SOX6: variants seen among roughly 807,000 people sequenced by gnomAD.
SOX6 encodes transcription factor SOX-6.
SOX6 carries 11 observed loss-of-function variants against 97.8 expected under a neutral mutation model. That is an observed-to-expected ratio of 0.11 (90% CI 0.07 to 0.19). The LOEUF is 0.19. SOX6 is among the 10% of genes least tolerant of loss of function. SOX6 has a pLI of 1.00. For synonymous variants in SOX6, 360 were observed against 371.4 expected (o/e 0.97, Z 0.35); for missense variants, 810 against 1,039.5 (o/e 0.78, Z 3.04).
At chr11:16,166,500 C>T (rs1850891485) in intron 6 of SOX6, among the ~76,000 whole-genome samples, 2 of 152,214 alleles carry the variant, frequency 1.3e-5, no homozygotes, top group South Asian at 2.1e-4. Flanking sequence ...TCAACAACAT[C>T]TCCCATGTGC....
chr11:16,227,394 T>C (rs1185168113), intron 4 of SOX6, among the ~76,000 whole-genome samples: 2 of 152,164 alleles, frequency 1.3e-5, no homozygotes, highest in Non-Finnish European at 2.9e-5. Context: ...CTTTAATTCA[T>C]TGATTCATTC....
intron 4 of SOX6, among the ~76,000 whole-genome samples, chr11:16,509,212 A>G (rs975681723): frequency 3.3e-5 from 5 of 151,806 alleles, no homozygotes; most frequent in Non-Finnish European, 5.9e-5. Context: ...TACCATATAT[A>G]TTCAATTAAA....
In SOX6 at chr11:16,613,864, T is replaced by C. The variant is rs969805811; in HGVS notation, n.430-1604A>G. Among the ~76,000 whole-genome samples, 1 of 152,042 alleles carries C rather than the reference T, an allele frequency of 6.6e-6. No homozygotes were observed. Among genetic ancestry groups the C allele is most frequent in the Non-Finnish European group, 1.5e-5 (1 of 68,008 alleles). On this transcript the variant is annotated intron_variant and non_coding_transcript_variant, in intron 3 of 5. Transcript: ENST00000524520. The surrounding 1 kb of genome is among the most constrained non-coding windows in gnomAD (Gnocchi z 4.6). ...GGGAAGACTGCGCCCAGCTAGGGGC[T>C]GTAGAGACGAACCCAGCTGACACTG... is the stretch of plus-strand genomic sequence containing the variant.
chr11:16,005,279 C>G (rs796172333), intron 13 of SOX6, among the ~76,000 whole-genome samples: 1 of 151,852 alleles, frequency 6.6e-6, no homozygotes, highest in Non-Finnish European at 1.5e-5. Flanking sequence ...AGGTTCTCTA[C>G]GATATAGACG....
chr11:16,489,077 T>A (rs894679326), intron 4 of SOX6, among the ~76,000 whole-genome samples: 1 of 152,148 alleles, frequency 6.6e-6, no homozygotes, highest in African/African-American at 2.4e-5. Context: ...AAAGACTATG[T>A]TCTTAGGAAA....
chr11:16,213,966 CAA>C (rs1355436194), intron 4 of SOX6, among the ~76,000 whole-genome samples: 4 of 152,060 alleles, frequency 2.6e-5, no homozygotes, highest in Non-Finnish European at 5.9e-5. Flanking sequence ...TAGAACTCCC[CAA>C]AAGACTTAGC....
intron 4 of SOX6, among the ~76,000 whole-genome samples, chr11:16,596,582 G>A (rs1032731273): frequency 1.3e-5 from 2 of 152,170 alleles, no homozygotes; most frequent in African/African-American, 4.8e-5. Context: ...CCTACTAGAA[G>A]CTTTCCCTGA....
At chr11:16,466,313 GTGACACA>G (rs1860031191) in intron 1 of SOX6, among the ~76,000 whole-genome samples, 1 of 152,140 alleles carries the variant, frequency 6.6e-6, no homozygotes, top group South Asian at 2.1e-4. Context: ...TATGCTGAGA[GTGACACA>G]TTTCACTTAT....
chr11:16,567,561 CTTTTT>C (rs59320140), intron 4 of SOX6, among the ~76,000 whole-genome samples: 4 of 87,322 alleles, frequency 4.6e-5, no homozygotes, highest in Admixed American at 1.6e-4. Flanking sequence ...ATATTTTTTT[CTTTTT>C]TTTTTTTTTT....
chr11:16,412,474 T>TA (rs1858840946), intron 1 of SOX6, among the ~76,000 whole-genome samples: 1 of 152,236 alleles, frequency 6.6e-6, no homozygotes, highest in East Asian at 1.9e-4. Flanking sequence ...CTTTTTTTAT[T>TA]AAAAAAATAA....
chr11:16,461,756 G>A (rs929781320), intron 1 of SOX6, among the ~76,000 whole-genome samples: 1 of 151,988 alleles, frequency 6.6e-6, no homozygotes, highest in Non-Finnish European at 1.5e-5. Flanking sequence ...CTCTATTAAG[G>A]CATTTAACAT....
At chr11:16,629,197 G>GT (rs1829391024) in intron 3 of SOX6, among the ~76,000 whole-genome samples, 1 of 152,164 alleles carries the variant, frequency 6.6e-6, no homozygotes, top group Admixed American at 6.5e-5. Flanking sequence ...AATGCTTTTA[G>GT]TTTTTGCCAT....
intron 9 of SOX6, among the ~76,000 whole-genome samples, chr11:16,078,556 T>A (rs1848406487): frequency 6.6e-6 from 1 of 152,198 alleles, no homozygotes; most frequent in Non-Finnish European, 1.5e-5. Context: ...TATTATTTAT[T>A]GAGTTGCTAC....
chr11:16,515,193 T>G (rs1310637002), intron 4 of SOX6, among the ~76,000 whole-genome samples: 2 of 151,898 alleles, frequency 1.3e-5, no homozygotes, highest in African/African-American at 4.8e-5. Flanking sequence ...TTTCTCCACA[T>G]CCTCTCCAGC....
intron 1 of SOX6, among the ~76,000 whole-genome samples, chr11:16,416,045 G>A (rs576940242): frequency 2.8e-4 from 42 of 152,156 alleles, no homozygotes; most frequent in South Asian, 1.0e-3. Context: ...CTACCTCTCC[G>A]TACAATGAAC....
At chr11:16,663,960 G>A (rs1286397709) in intron 3 of SOX6, among the ~76,000 whole-genome samples, 1 of 152,086 alleles carries the variant, frequency 6.6e-6, no homozygotes, top group Non-Finnish European at 1.5e-5. Context: ...AGAGTCAGTA[G>A]ATGGAGCAAA....
chr11:16,716,518 G>A (rs2134050908), intron 2 of SOX6, among the ~76,000 whole-genome samples: 3 of 152,248 alleles, frequency 2.0e-5, no homozygotes, highest in Middle Eastern at 3.4e-3. Context: ...TTTATGGTCT[G>A]AGCATATGGG....
At chr11:16,398,291 G>C (rs1031328453) in intron 1 of SOX6, among the ~76,000 whole-genome samples, 1 of 151,470 alleles carries the variant, frequency 6.6e-6, no homozygotes, top group African/African-American at 2.4e-5. Flanking sequence ...TTGACCTTTT[G>C]TCTTCATTCC....
intron 3 of SOX6, among the ~76,000 whole-genome samples, chr11:16,612,903 C>A (rs1475928459): frequency 6.6e-6 from 1 of 152,108 alleles, no homozygotes; most frequent in Non-Finnish European, 1.5e-5. Flanking sequence ...CCATGCCATC[C>A]CCACGCACCC....
Sources: allele counts gnomAD v4.1 joint callset (sites outside exome capture counted in the v4.1 genomes callset), GRCh38; gene constraint gnomAD v4.1.1; non-coding constraint Gnocchi (gnomAD v3.1); transcripts MANE v1.5; gene names NCBI Gene and HGNC (gene_info 2026-07-23, HGNC 2026-07-21).